RPRD1B: variants seen among roughly 807,000 people sequenced by gnomAD.
The protein encoded by RPRD1B is regulation of nuclear pre-mRNA domain-containing protein 1B.
RPRD1B carries 11 observed loss-of-function variants against 41.5 expected under a neutral mutation model. The observed-to-expected ratio is 0.27, with a 90% confidence interval of 0.17 to 0.44. The LOEUF (loss-of-function observed/expected upper bound fraction) is 0.44. Among genes scored for constraint, RPRD1B ranks in the 20% least tolerant of loss-of-function variants. The pLI is 1.00. For missense variants in RPRD1B, 248 were observed against 389.9 expected (o/e 0.64, Z 3.06); for synonymous variants, 158 against 155.6 (o/e 1.02, Z -0.12).
intron 6 of RPRD1B, among the ~76,000 whole-genome samples, chr20:38,071,042 A>C (rs535843578): frequency 2.6e-5 from 4 of 152,208 alleles, no homozygotes; most frequent in East Asian, 3.9e-4. Flanking sequence ...TTAACTGTGA[A>C]TTTTATTCAG....
intron 6 of RPRD1B, among the ~76,000 whole-genome samples, chr20:38,068,286 C>T (rs2074377632): frequency 6.6e-6 from 1 of 152,242 alleles, no homozygotes. Flanking sequence ...AGAGTCTGAA[C>T]TGAAGGTTCT....
rs139279826 is a variant in RPRD1B at position 38,060,666 on chromosome 20, G to T, written c.655+1146G>T. Reference sequence around the variant, plus strand: ...CAGGGAAAGACCTCAGGCAGTGGGCGTACTGGGTTGGAGAACACAGCTCGG... The same window carrying T: ...CAGGGAAAGACCTCAGGCAGTGGGCTTACTGGGTTGGAGAACACAGCTCGG... On this transcript the variant is annotated intron_variant, in intron 5 of 6. Coordinates refer to ENST00000373433, the MANE Select transcript of RPRD1B (RefSeq NM_021215.4). Among the ~76,000 whole-genome samples the T allele has an allele frequency of 4.5e-4, 68 of 152,230 alleles. No individual in the cohort carries two copies. The East Asian group carries it at 0.012, about 28-fold the overall frequency.
At chr20:38,043,303 T>C (rs1424342172) in intron 2 of RPRD1B, among the ~76,000 whole-genome samples, 1 of 152,098 alleles carries the variant, frequency 6.6e-6, no homozygotes, top group East Asian at 1.9e-4. Flanking sequence ...AGAAACAGAA[T>C]GAAGGCTGGT....
chr20:38,091,036 C>T lies in RPRD1B; in HGVS notation c.*1161C>T. The T allele has an allele frequency of 1.0e-6, 1 of 985,508 alleles. No homozygotes were observed. The highest frequency in any genetic ancestry group is 1.2e-6 in the Non-Finnish European group (1 of 829,680). The allele number at this position is 985,508 out of a possible 1,614,324, so 61.0% of individuals were successfully genotyped here. A position where few individuals can be genotyped will look rare whatever the true frequency, so the allele number is the denominator to read the frequency against. On this transcript the variant is annotated 3_prime_UTR_variant, in exon 7 of 7. Coordinates refer to ENST00000373433, the MANE Select transcript of RPRD1B (RefSeq NM_021215.4). ...GGTTTTAATTCTATTATCATGTCAG[C>T]TGACATTATGACTATATAATGTAGT...
At chr20:38,070,331 G>C in intron 6 of RPRD1B, 1 of 985,460 alleles carries the variant, frequency 1.0e-6, no homozygotes, top group Non-Finnish European at 1.2e-6. Context: ...ATGAACATGA[G>C]AAAACCTAGA....
At chr20:38,070,432 A>AGCCCATTT (rs1386910296) in intron 6 of RPRD1B, 1 of 985,398 alleles carries the variant, frequency 1.0e-6, no homozygotes, top group African/African-American at 1.7e-5. Context: ...CCATTCAGAA[A>AGCCCATTT]GGCAAAGGCC....
intron 6 of RPRD1B, among the ~76,000 whole-genome samples, chr20:38,078,860 C>T (rs561537552): frequency 1.3e-5 from 2 of 152,128 alleles, no homozygotes; most frequent in African/African-American, 2.4e-5. Context: ...GAGGTGCCCT[C>T]GGTCAAAGAT....
intron 5 of RPRD1B, among the ~76,000 whole-genome samples, chr20:38,064,655 T>G (rs2074334573): frequency 6.6e-6 from 1 of 152,230 alleles, no homozygotes; most frequent in African/African-American, 2.4e-5. Context: ...GAGCCTTTGT[T>G]CATCACTTCT....
chr20:38,068,297 TATCTC>T (rs967237894), intron 6 of RPRD1B, among the ~76,000 whole-genome samples: 17 of 152,262 alleles, frequency 1.1e-4, no homozygotes, highest in Non-Finnish European at 2.2e-4. Flanking sequence ...TGAAGGTTCT[TATCTC>T]AAACCATGTC....
chr20:38,037,259 G>A (rs1391695533), intron 1 of RPRD1B, among the ~76,000 whole-genome samples: 1 of 152,110 alleles, frequency 6.6e-6, no homozygotes, highest in African/African-American at 2.4e-5. Flanking sequence ...TAAGTAGAAC[G>A]TCTCCCCTTC....
At position 38,091,486 on chromosome 20, in the gene RPRD1B, G is replaced by GT; in HGVS notation, c.*1612dup. 1.0e-6 allele frequency: 1 copy of GT among 985,436 alleles called. No homozygotes were observed. 61.0% of individuals were successfully genotyped at this position (985,436 alleles called of 1,614,324 possible). On this transcript the variant is annotated 3_prime_UTR_variant, in exon 7 of 7. Coordinates refer to ENST00000373433, the MANE Select transcript of RPRD1B (RefSeq NM_021215.4). ...TTATTCAGATTTGAATTCAGACTGTGTGTTGTTTGCTTATGGACACTGCCT... is the reference window on the plus strand; with the variant it reads ...TTATTCAGATTTGAATTCAGACTGTGTTGTTGTTTGCTTATGGACACTGCCT...
chr20:38,091,352 ACGGGCT>A lies in RPRD1B; in HGVS notation c.*1478_*1483del. The A allele has an allele frequency of 2.0e-6, 2 of 985,566 alleles. No individual in the cohort carries two copies. Among genetic ancestry groups the A allele is most frequent in the Non-Finnish European group, 2.4e-6 (2 of 829,900 alleles). The allele number at this position is 985,566 out of a possible 1,614,324, so 61.1% of individuals were successfully genotyped here. A position where few individuals can be genotyped will look rare whatever the true frequency, so the allele number is the denominator to read the frequency against. ...ACATAACCTATGTTTATAAAGCATA[ACGGGCT>A]TCCCTTCCAGAAGCTCTCCTGCTTG... On this transcript the variant is annotated 3_prime_UTR_variant, in exon 7 of 7. Transcript: ENST00000373433.
At chr20:38,040,683 G>A (rs1192236562) in intron 2 of RPRD1B, 119 bp downstream of exon 2, 3 of 1,073,952 alleles carry the variant, frequency 2.8e-6, no homozygotes, top group African/African-American at 1.6e-5. Flanking sequence ...AGAGAGTTGT[G>A]GAGGCCGAAT....
At chr20:38,084,145 G>A (rs1396239384) in intron 6 of RPRD1B, among the ~76,000 whole-genome samples, 1 of 152,170 alleles carries the variant, frequency 6.6e-6, no homozygotes, top group African/African-American at 2.4e-5. Flanking sequence ...GGCTTGGCGG[G>A]TGTGTTAAAT....
At chr20:38,034,831 T>G (rs1372049442) in intron 1 of RPRD1B, among the ~76,000 whole-genome samples, 2 of 152,230 alleles carry the variant, frequency 1.3e-5, no homozygotes, top group Non-Finnish European at 2.9e-5. Flanking sequence ...GGCACTGGCT[T>G]GGACACTTGC....
intron 6 of RPRD1B, chr20:38,070,364 A>C: frequency 5.1e-6 from 5 of 985,562 alleles, no homozygotes; most frequent in Non-Finnish European, 6.0e-6. Context: ...ACGTGGAAGG[A>C]AGCACAAATG....
At chr20:38,061,991 G>T (rs192936560) in intron 5 of RPRD1B, among the ~76,000 whole-genome samples, 1 of 152,136 alleles carries the variant, frequency 6.6e-6, no homozygotes, top group Admixed American at 6.6e-5. Flanking sequence ...TTATTTAAGA[G>T]GGCCCAGTGT....
intron 6 of RPRD1B, among the ~76,000 whole-genome samples, chr20:38,071,007 C>A (rs2074408116): frequency 6.6e-6 from 1 of 152,210 alleles, no homozygotes. Flanking sequence ...GTTGGAATTA[C>A]AGGCATGCGC....
intron 1 of RPRD1B, among the ~76,000 whole-genome samples, chr20:38,038,471 G>A (rs1046448570): frequency 4.8e-5 from 7 of 146,570 alleles, no homozygotes; most frequent in South Asian, 2.3e-4. Context: ...CACCACGCCC[G>A]GCTGATTTTT....
Sources: allele counts gnomAD v4.1 joint callset (sites outside exome capture counted in the v4.1 genomes callset), GRCh38; gene constraint gnomAD v4.1.1; transcripts MANE v1.5; gene names NCBI Gene and HGNC (gene_info 2026-07-23, HGNC 2026-07-21).